Variants in TTC34 observed in about 807,000 individuals in gnomAD.
TTC34 encodes the protein tetratricopeptide repeat protein 34.
A neutral mutation model predicts 40.7 loss-of-function variants in TTC34; 44 were observed. The ratio of observed to expected loss-of-function variants is 1.08; its 90% CI spans 0.85 to 1.39. TTC34 has a LOEUF of 1.39. Among genes scored for constraint, TTC34 ranks in the 40% most tolerant of loss-of-function variants. The probability of loss-of-function intolerance (pLI) is 0.00; values close to 1 mark genes in which losing one functional copy is unlikely to be tolerated. For missense variants in TTC34, 884 were observed against 838.0 expected (o/e 1.05, Z -0.68); for synonymous variants, 422 against 398.6 (o/e 1.06, Z -0.70).
intron 6 of TTC34, among the ~76,000 whole-genome samples, chr1:2,756,430 CA>C (rs1641507809): frequency 9.3e-6 from 1 of 107,932 alleles, no homozygotes; most frequent in Non-Finnish European, 1.9e-5. Context: ...CCCACACCCC[CA>C]GGTGAGCATC....
At chr1:2,755,633 G>T (rs1456677680) in intron 6 of TTC34, among the ~76,000 whole-genome samples, 2 of 124,010 alleles carry the variant, frequency 1.6e-5, no homozygotes, top group African/African-American at 3.6e-5. Flanking sequence ...ACCCAGGTGC[G>T]CATCTGATGG....
chr1:2,676,970 C>T (rs1313834953), intron 6 of TTC34, among the ~76,000 whole-genome samples: 1 of 144,892 alleles, frequency 6.9e-6, no homozygotes, highest in Non-Finnish European at 1.5e-5. Flanking sequence ...ACCCTGCACC[C>T]CCAGGTGAGC....
intron 1 of TTC34, among the ~76,000 whole-genome samples, chr1:2,801,271 C>A (rs1405592118): frequency 1.3e-5 from 2 of 152,086 alleles, no homozygotes; most frequent in Admixed American, 1.3e-4. Context: ...AGGCACACCC[C>A]CCGTCAGTCC....
intron 6 of TTC34, among the ~76,000 whole-genome samples, chr1:2,759,921 C>CA (rs1641639061): frequency 2.1e-5 from 2 of 93,086 alleles, no homozygotes; most frequent in African/African-American, 3.9e-5. Context: ...TCACCCTGCA[C>CA]CCCCAGGTGA....
exon 9 of TTC34, chr1:2,641,577 C>T (rs1224136028): frequency 2.0e-6 from 3 of 1,532,966 alleles, no homozygotes; most frequent in African/African-American, 2.7e-5. Context: ...CTGTTCTGGG[C>T]CAAGGAGGGC....
chr1:2,748,882 T>TACAGGAGAGCA (rs1641229238), intron 6 of TTC34, among the ~76,000 whole-genome samples: 2 of 3,962 alleles, frequency 5.0e-4, no homozygotes, highest in Non-Finnish European at 8.4e-4. Flanking sequence ...CACCCACACC[T>TACAGGAGAGCA]TCAGGTGAGC....
chr1:2,645,701 G>A lies in TTC34; in HGVS notation c.2227-138C>T. On this transcript the variant is annotated intron_variant, in intron 6 of 8. Transcript: ENST00000401095. This position sits in a 1 kb window ranked among gnomAD's most constrained non-coding sequence, Gnocchi z 4.7. ...GGGTCCTAGAGGGTCTGAACACCCA[G>A]CTTCCTGCCCCTTCCTGCTTCTCTG... 1.2e-6 allele frequency: 1 copy of A among 852,322 alleles called. No individual in the cohort carries two copies. The highest frequency in any genetic ancestry group is 1.6e-6 in the Non-Finnish European group (1 of 618,598). 52.8% of individuals were successfully genotyped at this position (852,322 alleles called of 1,614,324 possible).
intron 6 of TTC34, among the ~76,000 whole-genome samples, chr1:2,778,454 C>G (rs576570876): frequency 6.6e-5 from 10 of 152,320 alleles, no homozygotes; most frequent in African/African-American, 2.4e-4. Context: ...CCATCCCTGC[C>G]GTGCATCCTG....
chr1:2,780,864 C>A (rs1400637515), intron 6 of TTC34, among the ~76,000 whole-genome samples: 1 of 152,102 alleles, frequency 6.6e-6, no homozygotes, highest in Non-Finnish European at 1.5e-5. Flanking sequence ...GACGTCTTAC[C>A]AACATGAAGT....
chr1:2,755,953 G>C (rs1471461553), intron 6 of TTC34, among the ~76,000 whole-genome samples: 1 of 79,150 alleles, frequency 1.3e-5, no homozygotes, highest in Non-Finnish European at 2.2e-5. Flanking sequence ...ACCCCCAGGT[G>C]AGGATCTGAC....
exon 8 of TTC34, chr1:2,644,410 G>A (rs924988953): frequency 9.1e-6 from 14 of 1,535,918 alleles, no homozygotes; most frequent in Non-Finnish European, 1.2e-5. Flanking sequence ...AGCCGGGCCC[G>A]GGCTGCCTCT....
At chr1:2,784,980 C>CACTCTGGGCCTCTCTGGGCT (rs1348331868) in intron 5 of TTC34, among the ~76,000 whole-genome samples, 2 of 27,202 alleles carry the variant, frequency 7.4e-5, no homozygotes, top group South Asian at 4.4e-3. Flanking sequence ...CACTCTGGGC[C>CACTCTGGGCCTCTCTGGGCT]GCTCTGGGCT....
intron 6 of TTC34, among the ~76,000 whole-genome samples, chr1:2,651,633 C>G (rs1407097066): frequency 6.6e-6 from 1 of 151,964 alleles, no homozygotes; most frequent in Admixed American, 6.6e-5. Context: ...GGAACATCAC[C>G]CTGCATACCA....
At chr1:2,691,632 G>A (rs1445974448) in intron 6 of TTC34, among the ~76,000 whole-genome samples, 2 of 107,380 alleles carry the variant, frequency 1.9e-5, no homozygotes, top group Non-Finnish European at 4.1e-5. Flanking sequence ...ACCCCCAGGT[G>A]CGCACGTGAC....
Position 2,750,868 on chromosome 1 carries a change from C to G in TTC34, c.2226+32741G>C, listed in dbSNP as rs1448873387. 4.9e-5 allele frequency among the ~76,000 whole-genome samples: 5 copies of G among 101,318 alleles called. 1 individual carries two copies. Among genetic ancestry groups the G allele is most frequent in the African/African-American group, 9.1e-5 (2 of 22,044 alleles). 66.5% of individuals were successfully genotyped at this position (101,318 alleles called of 152,430 possible). On this transcript the variant is annotated intron_variant, in intron 6 of 8. Transcript: ENST00000401095. ...ACACACCCAGGTGAGCATCTGACAG[C>G]GTGGAGCAGCACCCAAACCCCCAGG...
At chr1:2,640,129 GGA>G (rs1271874966) in exon 9 of TTC34, 1 of 152,520 alleles carries the variant, frequency 6.6e-6, no homozygotes, top group Non-Finnish European at 1.5e-5. Context: ...GTGCCCAGGA[GGA>G]GAGAGAAGCC....
chr1:2,699,501 C>A lies in TTC34; in HGVS notation c.2227-53938G>T, dbSNP rs1489985275. Among the ~76,000 whole-genome samples, 3 of 45,250 alleles carry A rather than the reference C, an allele frequency of 6.6e-5. 1 individual carries two copies. The highest frequency in any genetic ancestry group is 1.9e-3 in the East Asian group (2 of 1,072). The allele number at this position is 45,250 out of a possible 152,430, so 29.7% of individuals were successfully genotyped here. ...CTGGAGCAGCACCCACACACCCAGGCGAGAATCTGACAGCCTGGAACACCA... is the reference window on the plus strand; with the variant it reads ...CTGGAGCAGCACCCACACACCCAGGAGAGAATCTGACAGCCTGGAACACCA... On this transcript the variant is annotated intron_variant, in intron 6 of 8. Transcript: ENST00000401095.
chr1:2,694,236 CG>C (rs1557623862), intron 6 of TTC34, among the ~76,000 whole-genome samples: 1 of 19,078 alleles, frequency 5.2e-5, no homozygotes. Flanking sequence ...CACCCCCAGG[CG>C]AGCATCTGAC....
chr1:2,642,221 G>A (rs1638921701), intron 8 of TTC34, among the ~76,000 whole-genome samples: 9 of 152,176 alleles, frequency 5.9e-5, no homozygotes, highest in Admixed American at 5.2e-4. Context: ...CAGGGACCTG[G>A]ATTTACCTCC....
Sources: gnomAD v4.1 joint callset for allele counts (sites outside exome capture counted in the v4.1 genomes callset) on GRCh38, gnomAD v4.1.1 for gene constraint, Gnocchi (gnomAD v3.1) non-coding constraint, MANE v1.5 for transcripts, NCBI Gene and HGNC (gene_info 2026-07-23, HGNC 2026-07-21) for gene names.